ARHGAP23: variants seen among roughly 807,000 people sequenced by gnomAD.
The protein encoded by ARHGAP23 is rho GTPase-activating protein 23.
Under a neutral mutation model 136.3 loss-of-function variants are expected in ARHGAP23, and 34 were observed. The observed-to-expected ratio is 0.25, with a 90% CI of 0.19 to 0.33. The LOEUF (loss-of-function observed/expected upper bound fraction) is 0.33. Among genes scored for constraint, ARHGAP23 ranks in the 10% least tolerant of loss-of-function variants. The pLI is 1.00. For synonymous variants in ARHGAP23, 832 were observed against 920.5 expected (o/e 0.90, Z 1.74); for missense variants, 1,808 against 2,139.0 (o/e 0.85, Z 3.05).
At chr17:38,426,103 A>T (rs1199656048), upstream of ARHGAP23, among the ~76,000 whole-genome samples, 1 of 152,044 alleles carries the variant, frequency 6.6e-6, no homozygotes, top group Non-Finnish European at 1.5e-5. Context: ...CTGATTTCAG[A>T]TGCCAACCTT....
chr17:38,459,479 A>G (rs994809422), intron 2 of ARHGAP23, among the ~76,000 whole-genome samples: 3 of 152,148 alleles, frequency 2.0e-5, no homozygotes, highest in Admixed American at 6.5e-5. Context: ...TGGAGGGGGC[A>G]CAGACCCCTA....
chr17:38,428,252 G>C (rs1433202903), upstream of ARHGAP23, among the ~76,000 whole-genome samples: 1 of 152,014 alleles, frequency 6.6e-6, no homozygotes, highest in Non-Finnish European at 1.5e-5. Flanking sequence ...CCAGCTCTCA[G>C]GCAGCGCTCG....
At chr17:38,475,833 C>T in intron 11 of ARHGAP23, among the ~76,000 whole-genome samples, 1 of 152,154 alleles carries the variant, frequency 6.6e-6, no homozygotes, top group East Asian at 1.9e-4. Flanking sequence ...TCAAGCTGAT[C>T]AGAAGCGGGA....
Position 38,488,812 on chromosome 17 carries a change from GTGCTGGGATTACA to G in ARHGAP23, c.2987-1289_2987-1277del, listed in dbSNP as rs2040210685. Among the ~76,000 whole-genome samples the G allele has an allele frequency of 2.6e-5, 4 of 151,956 alleles. No homozygotes were observed. In the South Asian group the frequency reaches 8.3e-4, roughly 32 times the overall value. Reference sequence around the variant, plus strand: ...GATTCACCCTCCTTGGCCTCCCAAAGTGCTGGGATTACAGGCGTGAGCCACCGCGCCCTGCCTA... The same window carrying G: ...GATTCACCCTCCTTGGCCTCCCAAAGGGCGTGAGCCACCGCGCCCTGCCTA... On this transcript the variant is annotated intron_variant, in intron 17 of 23. Transcript: ENST00000622683.
rs1423255280 is a variant in ARHGAP23 at position 38,447,196 on chromosome 17, C to T, written c.64-10906C>T. The stretch of plus-strand genomic sequence containing the variant: ...GTGGCTCATGCCTGTAATCCCAGCA[C>T]TTCGGGAGGCCGAGGCGGGTGGATC... On this transcript the variant is annotated intron_variant, in intron 1 of 23. Coordinates refer to ENST00000622683, the MANE Select transcript of ARHGAP23 (RefSeq NM_001199417.2). Among the ~76,000 whole-genome samples the T allele has an allele frequency of 2.0e-5, 3 of 152,048 alleles. No individual in the cohort carries two copies. In the South Asian group the frequency reaches 6.2e-4, roughly 32 times the overall value.
intron 1 of ARHGAP23, among the ~76,000 whole-genome samples, chr17:38,429,801 C>T (rs2038647092): frequency 6.6e-6 from 1 of 152,110 alleles, no homozygotes; most frequent in Admixed American, 6.5e-5. Flanking sequence ...TCCCCTGCAC[C>T]CCTCTCTGTC....
At chr17:38,438,124 C>T (rs1042292002) in intron 1 of ARHGAP23, among the ~76,000 whole-genome samples, 6 of 152,098 alleles carry the variant, frequency 3.9e-5, no homozygotes, top group African/African-American at 7.2e-5. Context: ...AGATCGAGAC[C>T]GTCCTGGCCA....
intron 23 of ARHGAP23, among the ~76,000 whole-genome samples, chr17:38,506,588 T>G (rs935263511): frequency 1.3e-5 from 2 of 152,176 alleles, no homozygotes; most frequent in African/African-American, 4.8e-5. Flanking sequence ...CTGCCTGTCT[T>G]GTAGATGGTA....
intron 1 of ARHGAP23, among the ~76,000 whole-genome samples, chr17:38,421,047 C>A (rs1175547160): frequency 4.6e-5 from 7 of 152,200 alleles, no homozygotes; most frequent in African/African-American, 1.4e-4. Flanking sequence ...ATCTGCCCAT[C>A]ATTGGCCTTC....
At chr17:38,448,858 C>G in intron 1 of ARHGAP23, among the ~76,000 whole-genome samples, 1 of 124,228 alleles carries the variant, frequency 8.0e-6, no homozygotes, top group East Asian at 2.2e-4. Context: ...GTTGCCCAGC[C>G]TTTTTTTTTT....
At chr17:38,427,691 C>G (rs1347532884), upstream of ARHGAP23, among the ~76,000 whole-genome samples, 1 of 152,160 alleles carries the variant, frequency 6.6e-6, no homozygotes, top group East Asian at 1.9e-4. Flanking sequence ...TGGGCTGGCC[C>G]CATGGCCTGA....
intron 9 of ARHGAP23, 90 bp downstream of exon 9, chr17:38,469,725 A>G: frequency 2.0e-6 from 3 of 1,505,334 alleles, no homozygotes; most frequent in East Asian, 2.5e-5. Context: ...GGGGTCCTCT[A>G]TGCATGGGAC....
In ARHGAP23 at chr17:38,466,671, C is replaced by T; in HGVS notation, c.988C>T (p.Pro330Ser). ...LEEVAAPRPW[P>S]CSTSQDALSQ... ...GGAGGTGGCTGCCCCCCGCCCGTGG[C>T]CCTGCTCCACCTCCCAGGATGCTTT... Residue 330 changes from proline to serine, a missense_variant, in exon 7 of 24, where the codon CCC becomes TCC. Coordinates refer to ENST00000622683, the MANE Select transcript of ARHGAP23 (RefSeq NM_001199417.2). The T allele has an allele frequency of 2.0e-6, 3 of 1,515,130 alleles. No homozygotes were observed. The highest frequency in any genetic ancestry group is 1.8e-6 in the Non-Finnish European group (2 of 1,133,364). The allele number at this position is 1,515,130 out of a possible 1,614,324, so 93.9% of individuals were successfully genotyped here. A position where few individuals can be genotyped will look rare whatever the true frequency, so the allele number is the denominator to read the frequency against.
At chr17:38,455,502 A>G (rs2039301596) in intron 1 of ARHGAP23, among the ~76,000 whole-genome samples, 1 of 152,174 alleles carries the variant, frequency 6.6e-6, no homozygotes, top group Non-Finnish European at 1.5e-5. Flanking sequence ...CCCAGGGAGC[A>G]GCCCCCCCAG....
In ARHGAP23 at chr17:38,467,237, A is replaced by G; in HGVS notation, c.1554A>G (p.Pro518=). 1.3e-6 allele frequency: 2 copies of G among 1,550,880 alleles called. No homozygotes were observed. Among genetic ancestry groups the G allele is most frequent in the Non-Finnish European group, 1.7e-6 (2 of 1,146,536 alleles). ...ACCTTGGATTTGGTGACGAGTCCCCAGAGCCAGAGGCCAGTGGGCGAGGGG... is the reference window on the plus strand; with the variant it reads ...ACCTTGGATTTGGTGACGAGTCCCCGGAGCCAGAGGCCAGTGGGCGAGGGG... ...QMNLGFGDES[P]EPEASGRGER... The change falls in exon 7 of 24, where the codon CCA becomes CCG. Residue 518 remains proline, a synonymous_variant. Transcript: ENST00000622683.
rs71138627 is a variant in ARHGAP23 at position 38,504,978 on chromosome 17, C to CTTTTTTTT, written c.3447+4388_3447+4395dup. Among the ~76,000 whole-genome samples the CTTTTTTTT allele has an allele frequency of 1.2e-3, 51 of 43,170 alleles. 15 individuals are homozygous for CTTTTTTTT. The highest frequency in any genetic ancestry group is 2.1e-3 in the Non-Finnish European group (42 of 20,292). 28.3% of individuals were successfully genotyped at this position (43,170 alleles called of 152,430 possible). A position where few individuals can be genotyped will look rare whatever the true frequency, so the allele number is the denominator to read the frequency against. ...ATTACTCAGAAGCCTCCCTTATCAT[C>CTTTTTTTT]TTTTTTTTTTTTTTTTTTTTTTTTT... On this transcript the variant is annotated intron_variant, in intron 23 of 23. Coordinates refer to ENST00000622683, the MANE Select transcript of ARHGAP23 (RefSeq NM_001199417.2).
At chr17:38,481,360 G>T (rs1289157206) in intron 14 of ARHGAP23, among the ~76,000 whole-genome samples, 1 of 151,784 alleles carries the variant, frequency 6.6e-6, no homozygotes, top group Non-Finnish European at 1.5e-5. Flanking sequence ...TGTTAGCCAG[G>T]ATGGTCTCGA....
intron 1 of ARHGAP23, among the ~76,000 whole-genome samples, chr17:38,434,688 G>A (rs1165780412): frequency 2.0e-5 from 3 of 152,268 alleles, no homozygotes; most frequent in Non-Finnish European, 2.9e-5. Context: ...CTAGGCAGGG[G>A]CCGAGTTCAT....
At chr17:38,473,771 A>T (rs2039822527) in intron 11 of ARHGAP23, among the ~76,000 whole-genome samples, 1 of 151,876 alleles carries the variant, frequency 6.6e-6, no homozygotes, top group Non-Finnish European at 1.5e-5. Context: ...GAGGGGCCTG[A>T]CAGGGAAGAT....
Sources: allele counts gnomAD v4.1 joint callset (sites outside exome capture counted in the v4.1 genomes callset), GRCh38; gene constraint gnomAD v4.1.1; transcripts MANE v1.5; gene names NCBI Gene and HGNC (gene_info 2026-07-23, HGNC 2026-07-21).